Variants in MCHR2 observed in about 807,000 individuals in gnomAD.
MCHR2 encodes melanin concentrating hormone receptor 2, also known as melanin-concentrating hormone receptor 2.
In MCHR2, 15 loss-of-function variants were observed where a neutral mutation model predicts 24.8. That is an observed-to-expected ratio of 0.60 (90% confidence interval 0.40 to 0.93). The LOEUF (loss-of-function observed/expected upper bound fraction) is 0.93, where lower values mean the gene tolerates loss of function less well. MCHR2 is among the 40% of genes least tolerant of loss of function. The probability of loss-of-function intolerance (pLI) is 0.00; values close to 1 mark genes in which losing one functional copy is unlikely to be tolerated. For missense variants in MCHR2, 386 were observed against 408.7 expected (o/e 0.94, Z 0.48); for synonymous variants, 151 against 147.6 (o/e 1.02, Z -0.17).
intron 5 of MCHR2, among the ~76,000 whole-genome samples, chr6:99,929,644 G>T (rs1456046754): frequency 6.6e-6 from 1 of 151,996 alleles, no homozygotes; most frequent in Non-Finnish European, 1.5e-5. Flanking sequence ...TGTTTTATCA[G>T]AGACTAGGAT....
At chr6:99,939,397 C>T (rs1019542552) in intron 4 of MCHR2, among the ~76,000 whole-genome samples, 1 of 151,844 alleles carries the variant, frequency 6.6e-6, no homozygotes, top group African/African-American at 2.4e-5. Flanking sequence ...ATATATATAA[C>T]AAGTTATTCT....
Position 99,982,454 on chromosome 6 carries a change from C to G in MCHR2, c.-28+11482G>C, listed in dbSNP as rs561481590. 4.9e-5 allele frequency among the ~76,000 whole-genome samples: 5 copies of G among 101,958 alleles called. No homozygotes were observed. In the East Asian group the frequency reaches 1.4e-3, roughly 28 times the overall value. The allele number at this position is 101,958 out of a possible 152,430, so 66.9% of individuals were successfully genotyped here. ...GACCAGCCTGGGCAATATGGAGAAA[C>G]CTTGTCTGTACAGAAAAAAAAAAAA... On this transcript the variant is annotated intron_variant, in intron 1 of 5. Coordinates refer to ENST00000281806, the MANE Select transcript of MCHR2 (RefSeq NM_001040179.2).
At position 99,919,343 on chromosome 6, in the gene MCHR2, G is replaced by A. The variant is rs546449881; in HGVS notation, c.*1597C>T. On this transcript the variant is annotated 3_prime_UTR_variant, in exon 6 of 6. Transcript: ENST00000281806. ...TAAAATAAATAGGGTTAAAAATCAC[G>A]TCTGGGTTGATTCAAATACAAGTTT... Among the ~76,000 whole-genome samples the A allele has an allele frequency of 1.8e-4, 27 of 152,268 alleles. 1 individual carries two copies. The South Asian group carries it at 3.5e-3, about 20-fold the overall frequency.
intron 4 of MCHR2, among the ~76,000 whole-genome samples, chr6:99,941,086 G>C (rs1582380405): frequency 6.6e-6 from 1 of 151,928 alleles, no homozygotes; most frequent in Middle Eastern, 3.2e-3. Context: ...AACCCAAGGT[G>C]GTGGGAAAGC....
rs369501589 is a variant in MCHR2, at chr6:99,921,022, T to C, written c.941A>G (p.Gln314Arg). 10 of 1,614,098 alleles carry C rather than the reference T, an allele frequency of 6.2e-6. No homozygotes were observed. The highest frequency in any genetic ancestry group is 1.6e-4 in the Middle Eastern group (1 of 6,084). ...TCTTTGGATTTGAGGCAGACGTTTCTGGAAATTTCCACTCAGCAGGATGTA... is the reference window on the plus strand; with the variant it reads ...TCTTTGGATTTGAGGCAGACGTTTCCGGAAATTTCCACTCAGCAGGATGTA... ...FLYILLSGNFQKRLPQIQRRA... is the reference protein window; with the variant it reads ...FLYILLSGNFRKRLPQIQRRA... Residue 314 changes from glutamine (Q) to arginine (R), a missense_variant, in exon 6 of 6, where the codon CAG becomes CGG. Physicochemically the swap from Gln to Arg is conservative, Grantham distance 43 (BLOSUM62 1). Transcript: ENST00000281806.
intron 1 of MCHR2, among the ~76,000 whole-genome samples, chr6:99,986,380 C>A (rs755780852): frequency 5.3e-5 from 8 of 152,130 alleles, no homozygotes; most frequent in Non-Finnish European, 1.0e-4. Context: ...GTATGTTTAT[C>A]TAATGCTGTT....
At chr6:99,982,098 T>G (rs1427501306) in intron 1 of MCHR2, among the ~76,000 whole-genome samples, 1 of 152,126 alleles carries the variant, frequency 6.6e-6, no homozygotes, top group East Asian at 1.9e-4. Context: ...CCTGTCTCTG[T>G]TCTATTCAGA....
intron 5 of MCHR2, among the ~76,000 whole-genome samples, chr6:99,931,509 G>T (rs1178171968): frequency 6.6e-6 from 1 of 152,192 alleles, no homozygotes; most frequent in African/African-American, 2.4e-5. Flanking sequence ...GAGCTTCCAG[G>T]CTGCTTTGTT....
At chr6:99,958,559 A>G (rs904752350) in intron 1 of MCHR2, among the ~76,000 whole-genome samples, 11 of 152,148 alleles carry the variant, frequency 7.2e-5, no homozygotes, top group South Asian at 2.1e-4. Context: ...CTGTTCATTA[A>G]AAGACACCAT....
At chr6:99,969,300 CCT>C (rs1327375764) in intron 1 of MCHR2, among the ~76,000 whole-genome samples, 3 of 151,558 alleles carry the variant, frequency 2.0e-5, no homozygotes, top group Non-Finnish European at 4.4e-5. Flanking sequence ...ATGGTGAAAC[CCT>C]CTCTCTACTA....
Position 99,943,137 on chromosome 6 carries a change from A to G in MCHR2, c.399T>C (p.Phe133=). Residue 133 remains phenylalanine (F), a synonymous_variant, in exon 4 of 6, where the codon TTT becomes TTC. Transcript: ENST00000281806. Reference sequence around the variant, plus strand: ...TCAGTCGAAATGGTTGGACGAGGGCAAAGTACCTGCAAAGGCAGTCAGGAA... The same window carrying G: ...TCAGTCGAAATGGTTGGACGAGGGCGAAGTACCTGCAAAGGCAGTCAGGAA... ...IMTVMSVDRY[F]ALVQPFRLTR... is the part of the protein sequence containing the mutation. 6.2e-7 allele frequency: 1 copy of G among 1,607,568 alleles called. No homozygotes were observed. The highest frequency in any genetic ancestry group is 1.1e-5 in the South Asian group (1 of 90,068).
In MCHR2 at chr6:99,975,228, T is replaced by G. The variant is rs79126090; in HGVS notation, c.-28+18708A>C. 3.3e-5 allele frequency among the ~76,000 whole-genome samples: 5 copies of G among 152,298 alleles called. No homozygotes were observed. The East Asian group carries it at 9.7e-4, about 29-fold the overall frequency. On this transcript the variant is annotated intron_variant, in intron 1 of 5. Coordinates refer to ENST00000281806, the MANE Select transcript of MCHR2 (RefSeq NM_001040179.2). ...GAGCTGTGGTGGGCTCCACCCAGTT[T>G]GAGCTTCCAGGCTGCTTTGTTTACC...
chr6:99,935,908 T>C (rs1582376796), intron 4 of MCHR2, among the ~76,000 whole-genome samples: 1 of 152,172 alleles, frequency 6.6e-6, no homozygotes, highest in East Asian at 1.9e-4. Flanking sequence ...GGTGAGATGA[T>C]ATCTCCTTGT....
intron 1 of MCHR2, among the ~76,000 whole-genome samples, chr6:99,974,557 A>G (rs1435190453): frequency 6.6e-6 from 1 of 152,138 alleles, no homozygotes; most frequent in Non-Finnish European, 1.5e-5. Context: ...TCTTCTCTCA[A>G]CTTGTCAAAG....
chr6:99,976,734 G>C (rs1562133889), intron 1 of MCHR2, among the ~76,000 whole-genome samples: 1 of 152,114 alleles, frequency 6.6e-6, no homozygotes, highest in Non-Finnish European at 1.5e-5. Flanking sequence ...TTCACCTTCT[G>C]ACACCTGCTT....
chr6:99,958,555 A>G, intron 1 of MCHR2, among the ~76,000 whole-genome samples: 1 of 152,130 alleles, frequency 6.6e-6, no homozygotes, highest in Non-Finnish European at 1.5e-5. Context: ...AAATCTGTTC[A>G]TTAAAAGACA....
chr6:99,956,726 C>T (rs1412733165), intron 1 of MCHR2, among the ~76,000 whole-genome samples: 2 of 152,040 alleles, frequency 1.3e-5, no homozygotes, highest in Admixed American at 6.6e-5. Flanking sequence ...GCGTTGTAGC[C>T]AGCGGAGGCA....
intron 1 of MCHR2, among the ~76,000 whole-genome samples, chr6:99,969,339 T>A (rs975765000): frequency 1.4e-4 from 21 of 151,802 alleles, no homozygotes; most frequent in African/African-American, 5.1e-4. Context: ...TCGGACATGG[T>A]GGCAGGTGTC....
chr6:99,993,343 T>C (rs1305862564), intron 1 of MCHR2, among the ~76,000 whole-genome samples: 2 of 152,294 alleles, frequency 1.3e-5, no homozygotes, highest in African/African-American at 4.8e-5. Flanking sequence ...TCAGATGACC[T>C]GACCGTGCAG....
Sources: gnomAD v4.1 joint callset for allele counts (sites outside exome capture counted in the v4.1 genomes callset) on GRCh38, gnomAD v4.1.1 for gene constraint, MANE v1.5 for transcripts, NCBI Gene and HGNC (gene_info 2026-07-23, HGNC 2026-07-21) for gene names.